The following RFX5 variants were observed in gnomAD, a reference collection of about 807,000 sequenced individuals.
RFX5 encodes DNA-binding protein RFX5.
RFX5 carries 30 observed loss-of-function variants against 41.2 expected under a neutral mutation model. That is an observed-to-expected ratio of 0.73 (90% CI 0.54 to 0.99). The LOEUF is 0.99. Among genes scored for constraint, RFX5 ranks in the 50% least tolerant of loss-of-function variants. The pLI, the probability that RFX5 is intolerant of heterozygous loss-of-function variation, is 0.00. For missense variants in RFX5, 715 were observed against 773.6 expected (o/e 0.92, Z 0.90); for synonymous variants, 231 against 291.8 (o/e 0.79, Z 2.12).
Position 151,343,299 on chromosome 1 carries a change from C to T in RFX5, c.858+43G>A, listed in dbSNP as rs1392736332. 6 of 1,609,116 alleles carry T rather than the reference C, an allele frequency of 3.7e-6. No individual in the cohort carries two copies. In the African/African-American group the frequency reaches 5.4e-5, roughly 14 times the overall value. On this transcript the variant is annotated intron_variant, in intron 10 of 10. Transcript: ENST00000452671. ...CCAATTGGAGAAGGATATACTAAGC[C>T]CCCAGCCCAGGACAGCAAAGTCAGG... is the stretch of plus-strand genomic sequence containing the variant.
intron 3 of RFX5, 100 bp downstream of exon 3, chr1:151,346,105 T>A: frequency 6.4e-6 from 10 of 1,550,858 alleles, no homozygotes; most frequent in Non-Finnish European, 8.9e-6. Flanking sequence ...TCTGCTCCCA[T>A]GCCCTTGCTG....
chr1:151,344,015 T>C, intron 8 of RFX5, 133 bp from the exon 9 acceptor site: 1 of 1,128,868 alleles, frequency 8.9e-7, no homozygotes, highest in Middle Eastern at 2.9e-4. Flanking sequence ...ACCTATCCCA[T>C]TGCAGAAGCC....
Position 151,346,384 on chromosome 1 carries a change from T to C in RFX5, c.-13-51A>G, listed in dbSNP as rs1052644065. On this transcript the variant is annotated intron_variant, in intron 2 of 10. Transcript: ENST00000452671. ...AGATGTAACTCACACTGGCCTTCCC[T>C]TCCCCAGAAGGCCCCAGGGCACTCC... 15 of 1,459,034 alleles carry C rather than the reference T, an allele frequency of 1.0e-5. 1 individual carries two copies. The African/African-American group carries it at 1.5e-4, about 15-fold the overall frequency. The allele number at this position is 1,459,034 out of a possible 1,614,324, so 90.4% of individuals were successfully genotyped here. A position where few individuals can be genotyped will look rare whatever the true frequency, so the allele number is the denominator to read the frequency against.
In RFX5 at chr1:151,344,821, T is replaced by C; in HGVS notation, c.260A>G (p.Glu87Gly). The C allele has an allele frequency of 6.2e-7, 1 of 1,610,042 alleles. No individual in the cohort carries two copies. The highest frequency in any genetic ancestry group is 8.5e-7 in the Non-Finnish European group (1 of 1,177,532). The change falls in exon 6 of 11, where the codon GAG (glutamate) becomes GGG (glycine). Residue 87 changes from glutamate (E) to glycine (G), a missense_variant. Physicochemically the swap from Glu to Gly is moderately conservative, Grantham distance 98. Coordinates refer to ENST00000452671, the MANE Select transcript of RFX5 (RefSeq NM_001025603.2). ...CCACCTATAGGCATACATGTACTCC[T>C]CATTGCTCAGTGTACTTGGCTCTGA... ...KSSEPSTLSN[E>G]EYMYAYRWIR...
At position 151,342,735 on chromosome 1, in the gene RFX5, A is replaced by G; in HGVS notation, c.1302T>C (p.Ala434=). Reference sequence around the variant, plus strand: ...CACTGGCCTCACTCACAGGTACTTCAGCTGTCCTCTTGACACCCTTGTCAT... The same window carrying G: ...CACTGGCCTCACTCACAGGTACTTCGGCTGTCCTCTTGACACCCTTGTCAT... ...GPHDKGVKRT[A]EVPVSEASGQ... The change falls in exon 11 of 11, where the codon GCT becomes GCC. Residue 434 remains alanine (A), a synonymous_variant. Transcript: ENST00000452671. The G allele has an allele frequency of 6.2e-7, 1 of 1,614,142 alleles. No homozygotes were observed. The highest frequency in any genetic ancestry group is 2.2e-5 in the East Asian group (1 of 44,888).
In RFX5 at chr1:151,342,758, C is replaced by G. The variant is rs779871621; in HGVS notation, c.1279G>C (p.Asp427His). 1 of 1,614,184 alleles carries G rather than the reference C, an allele frequency of 6.2e-7. No individual in the cohort carries two copies. Among genetic ancestry groups the G allele is most frequent in the Non-Finnish European group, 8.5e-7 (1 of 1,179,986 alleles). ...VGIGGDQGPH[D>H]KGVKRTAEVP... is the part of the protein sequence containing the mutation. ...TCAGCTGTCCTCTTGACACCCTTGT[C>G]ATGTGGTCCTTGGTCACCACCTATG... Residue 427 changes from aspartate (D) to histidine (H), a missense_variant, in exon 11 of 11, where the codon GAC (aspartate) becomes CAC (histidine). Physicochemically the swap from Asp to His is moderately conservative, Grantham distance 81. Transcript: ENST00000452671.
intron 2 of RFX5, 77 bp downstream of exon 2, chr1:151,346,412 A>G: frequency 9.3e-7 from 1 of 1,079,390 alleles, no homozygotes; most frequent in East Asian, 2.4e-5. Flanking sequence ...GGCACTCCTC[A>G]TCTCTTTACC....
At chr1:151,343,529 G>A in intron 9 of RFX5, 87 bp from the exon 10 acceptor site, 2 of 1,438,116 alleles carry the variant, frequency 1.4e-6, no homozygotes, top group Non-Finnish European at 1.9e-6. Flanking sequence ...TGACTGACTG[G>A]TAGAGACAGG....
rs1650407003 is a variant in RFX5, at chr1:151,341,039, A to G, written c.*1147T>C. On this transcript the variant is annotated 3_prime_UTR_variant, in exon 11 of 11. Coordinates refer to ENST00000452671, the MANE Select transcript of RFX5 (RefSeq NM_001025603.2). Reference sequence around the variant, plus strand: ...CCTAAGTCCTGACACGTATGACAAGATGCTGCCACCTGGTGGATACAGAAT... The same window carrying G: ...CCTAAGTCCTGACACGTATGACAAGGTGCTGCCACCTGGTGGATACAGAAT... The G allele has an allele frequency of 6.6e-6, 1 of 152,654 alleles. No homozygotes were observed. Among genetic ancestry groups the G allele is most frequent in the Admixed American group, 6.5e-5 (1 of 15,270 alleles). 9.5% of individuals were successfully genotyped at this position (152,654 alleles called of 1,614,324 possible). A position where few individuals can be genotyped will look rare whatever the true frequency, so the allele number is the denominator to read the frequency against.
Position 151,342,452 on chromosome 1 carries a change from C to A in RFX5, c.1585G>T (p.Val529Leu). 1 of 1,614,206 alleles carries A rather than the reference C, an allele frequency of 6.2e-7. No individual in the cohort carries two copies. The highest frequency in any genetic ancestry group is 8.5e-7 in the Non-Finnish European group (1 of 1,180,042). The change falls in exon 11 of 11, where the codon GTA (valine) becomes TTA (leucine). Residue 529 changes from valine to leucine, a missense_variant. Transcript: ENST00000452671. The part of the protein sequence containing the change: ...GPMGEAEKGA[V>L]LAQGQGDGTV... ...CCATCTCCCTGACCCTGGGCAAGTACTGCCCCCTTTTCAGCCTCTCCCATT... is the reference window on the plus strand; with the variant it reads ...CCATCTCCCTGACCCTGGGCAAGTAATGCCCCCTTTTCAGCCTCTCCCATT...
intron 6 of RFX5, 46 bp from the exon 7 acceptor site, chr1:151,344,582 C>A: frequency 6.2e-7 from 1 of 1,613,732 alleles, no homozygotes; most frequent in Non-Finnish European, 8.5e-7. Context: ...GAGAAGGAGG[C>A]CATGGGTAGG....
At position 151,342,364 on chromosome 1, in the gene RFX5, A is replaced by G. The variant is rs966468525; in HGVS notation, c.1673T>C (p.Ile558Thr). 3.7e-6 allele frequency: 6 copies of G among 1,613,950 alleles called. No individual in the cohort carries two copies. In the African/African-American group the frequency reaches 8.0e-5, roughly 22 times the overall value. Reference sequence around the variant, plus strand: ...ACTCACTTTTGAGGGGACCAAGGGAATTTTATCTTCTGCTTCTTTGGTATG... The same window carrying G: ...ACTCACTTTTGAGGGGACCAAGGGAGTTTTATCTTCTGCTTCTTTGGTATG... ...SQHTKEAEDKIPLVPSKVSVI... is the reference protein window; with the variant it reads ...SQHTKEAEDKTPLVPSKVSVI... Residue 558 changes from isoleucine to threonine, a missense_variant, in exon 11 of 11, where the codon ATT becomes ACT. Coordinates refer to ENST00000452671, the MANE Select transcript of RFX5 (RefSeq NM_001025603.2).
At chr1:151,346,008 T>G (rs1326604835) in intron 3 of RFX5, 47 bp from the exon 4 acceptor site, 1 of 1,614,036 alleles carries the variant, frequency 6.2e-7, no homozygotes, top group South Asian at 1.1e-5. Flanking sequence ...AGATTTTCCC[T>G]GTCTCTTTAT....
chr1:151,343,015 A>C lies in RFX5; in HGVS notation c.1022T>G (p.Ile341Ser). The C allele has an allele frequency of 3.1e-6, 5 of 1,613,790 alleles. No homozygotes were observed. Among genetic ancestry groups the C allele is most frequent in the Non-Finnish European group, 3.4e-6 (4 of 1,179,852 alleles). ...LLLPRAPRSL[I>S]PPIPVSPPIL... is the part of the protein sequence containing the mutation. ...AGGTGGAGAGACTGGGATTGGCGGA[A>C]TTAGTGAGCGAGGGGCCCGGGGAAG... The change falls in exon 11 of 11, where the codon ATT becomes AGT. Residue 341 changes from isoleucine to serine, a missense_variant. Coordinates refer to ENST00000452671, the MANE Select transcript of RFX5 (RefSeq NM_001025603.2).
Position 151,342,536 on chromosome 1 carries a change from C to T in RFX5, c.1501G>A (p.Glu501Lys), listed in dbSNP as rs745796089. ...ESAQSSRLPW[E>K]TWGSGGEGNS... ...CCTTCCCCTCCTGAGCCCCATGTCTCCCATGGTAACCTTGAGGACTGGGCA... is the reference window on the plus strand; with the variant it reads ...CCTTCCCCTCCTGAGCCCCATGTCTTCCATGGTAACCTTGAGGACTGGGCA... The change falls in exon 11 of 11, where the codon GAG (glutamate) becomes AAG (lysine). Residue 501 changes from glutamate to lysine, a missense_variant. Glu to Lys is a moderately conservative substitution (Grantham distance 56). Coordinates refer to ENST00000452671, the MANE Select transcript of RFX5 (RefSeq NM_001025603.2). The T allele has an allele frequency of 6.2e-7, 1 of 1,614,132 alleles. No individual in the cohort carries two copies. The highest frequency in any genetic ancestry group is 2.2e-5 in the East Asian group (1 of 44,886).
chr1:151,346,631 T>C, intron 1 of RFX5, 25 bp from the exon 2 acceptor site: 1 of 341,900 alleles, frequency 2.9e-6, no homozygotes. Flanking sequence ...ATAGGGGGAT[T>C]GGGAATCCAT....
chr1:151,346,549 T>C lies in RFX5; in HGVS notation c.-74A>G. 3.8e-6 allele frequency: 2 copies of C among 525,584 alleles called. No individual in the cohort carries two copies. Among genetic ancestry groups the C allele is most frequent in the Non-Finnish European group, 6.9e-6 (2 of 290,218 alleles). 32.6% of individuals were successfully genotyped at this position (525,584 alleles called of 1,614,324 possible). A position where few individuals can be genotyped will look rare whatever the true frequency, so the allele number is the denominator to read the frequency against. On this transcript the variant is annotated 5_prime_UTR_variant, in exon 2 of 11. Transcript: ENST00000452671. ...CCAGGCCCATATATGCCCAAAGAGATCTTTGCCATCTCCATTCTATCTGCC... is the reference window on the plus strand; with the variant it reads ...CCAGGCCCATATATGCCCAAAGAGACCTTTGCCATCTCCATTCTATCTGCC...
intron 6 of RFX5, 80 bp from the exon 7 acceptor site, chr1:151,344,616 G>A (rs1650836079): frequency 1.2e-6 from 2 of 1,607,564 alleles, no homozygotes; most frequent in Non-Finnish European, 1.7e-6. Context: ...TAGGGATCAA[G>A]TGTGAGGAAC....
In RFX5 at chr1:151,342,494, C is replaced by T. The variant is rs759013986; in HGVS notation, c.1543G>A (p.Ala515Thr). ...TCTCCCATTGGCCCTGGCCTCTCTG[C>T]CCCTCCAGCTGAGTTGCCTTCCCCT... ...SGGEGNSAGG[A>T]ERPGPMGEAE... The change falls in exon 11 of 11, where the codon GCA (alanine) becomes ACA (threonine). Residue 515 changes from alanine (A) to threonine (T), a missense_variant. Transcript: ENST00000452671. 1.2e-6 allele frequency: 2 copies of T among 1,614,018 alleles called. No homozygotes were observed. The highest frequency in any genetic ancestry group is 1.3e-5 in the African/African-American group (1 of 74,900).
Sources: gnomAD v4.1 joint callset for allele counts on GRCh38, gnomAD v4.1.1 for gene constraint, MANE v1.5 for transcripts, NCBI Gene and HGNC (gene_info 2026-07-23, HGNC 2026-07-21) for gene names.